Variants in FRMD4B observed in about 807,000 individuals in gnomAD.
FRMD4B encodes FERM domain containing 4B, also known as FERM domain-containing protein 4B.
A neutral mutation model predicts 141.5 loss-of-function variants in FRMD4B; 74 were observed. The observed-to-expected ratio is 0.52, with a 90% confidence interval of 0.43 to 0.63. The LOEUF is 0.63. Among genes scored for constraint, FRMD4B ranks in the 30% least tolerant of loss-of-function variants. FRMD4B has a pLI of 0.00. For missense variants in FRMD4B, 1,366 were observed against 1,253.4 expected (o/e 1.09, Z -1.36); for synonymous variants, 506 against 467.9 (o/e 1.08, Z -1.05).
chr3:69,481,796 C>G (rs1706129374), intron 1 of FRMD4B, among the ~76,000 whole-genome samples: 1 of 152,136 alleles, frequency 6.6e-6, no homozygotes, highest in Non-Finnish European at 1.5e-5. Flanking sequence ...TTCAGTTGAC[C>G]TTGTTGGAGT....
chr3:69,496,707 A>T (rs1360100908), intron 1 of FRMD4B, among the ~76,000 whole-genome samples: 1 of 149,682 alleles, frequency 6.7e-6, no homozygotes, highest in Non-Finnish European at 1.5e-5. Flanking sequence ...ATAGATCCTG[A>T]TGACATCATG....
chr3:69,452,237 G>A (rs1377728547), intron 1 of FRMD4B, among the ~76,000 whole-genome samples: 3 of 152,230 alleles, frequency 2.0e-5, no homozygotes, highest in Non-Finnish European at 4.4e-5. Context: ...TACTGGGAAA[G>A]CTGGACTATT....
At chr3:69,447,667 G>A (rs1705430137) in intron 1 of FRMD4B, among the ~76,000 whole-genome samples, 1 of 152,294 alleles carries the variant, frequency 6.6e-6, no homozygotes, top group Admixed American at 6.5e-5. Context: ...CTCCGAAGAA[G>A]TTCCTTTATA....
At chr3:69,192,683 T>A (rs972930388) in intron 17 of FRMD4B, among the ~76,000 whole-genome samples, 82 of 152,212 alleles carry the variant, frequency 5.4e-4, no homozygotes, top group Admixed American at 5.2e-3. Flanking sequence ...TATTTTGAAA[T>A]ATTTCTCAGC....
At chr3:69,427,643 G>GTTTTTTTTTTTTTTTTTTTTTTTTTT (rs774316609) in intron 2 of FRMD4B, among the ~76,000 whole-genome samples, 2 of 36,238 alleles carry the variant, frequency 5.5e-5, no homozygotes, top group African/African-American at 1.1e-4. Context: ...CTAGGTAAAT[G>GTTTTTTTTTTTTTTTTTTTTTTTTTT]TTTTTTTTTT....
At chr3:69,533,190 C>A (rs1230115759) in intron 1 of FRMD4B, among the ~76,000 whole-genome samples, 1 of 152,136 alleles carries the variant, frequency 6.6e-6, no homozygotes, top group African/African-American at 2.4e-5. Context: ...TTGTAGGGGG[C>A]AATAGTCTCA....
At chr3:69,416,840 T>C (rs1704875051) in intron 2 of FRMD4B, among the ~76,000 whole-genome samples, 2 of 152,196 alleles carry the variant, frequency 1.3e-5, no homozygotes, top group South Asian at 4.1e-4. Context: ...CTGAGAATGA[T>C]GTTTTCCAGC....
In FRMD4B at chr3:69,221,058, G is replaced by A. The variant is rs113540953; in HGVS notation, c.731+800C>T. ...GCTCACTGCAACATCCGCCTCCCTGGTTTAAGCAATTTTCCTGCCTCAGCT... is the reference window on the plus strand; with the variant it reads ...GCTCACTGCAACATCCGCCTCCCTGATTTAAGCAATTTTCCTGCCTCAGCT... On this transcript the variant is annotated intron_variant, in intron 9 of 22. Transcript: ENST00000398540. Among the ~76,000 whole-genome samples the A allele has an allele frequency of 5.1e-4, 77 of 152,052 alleles. 2 individuals are homozygous for A. The highest frequency in any genetic ancestry group is 1.5e-3 in the African/African-American group (61 of 41,478).
intron 1 of FRMD4B, among the ~76,000 whole-genome samples, chr3:69,465,698 T>C (rs765489084): frequency 1.3e-5 from 2 of 152,226 alleles, no homozygotes; most frequent in Non-Finnish European, 1.5e-5. Flanking sequence ...GCTTCATCCA[T>C]GTCCCTTGCA....
chr3:69,252,379 G>C (rs535596527), intron 5 of FRMD4B, among the ~76,000 whole-genome samples: 6 of 152,168 alleles, frequency 3.9e-5, no homozygotes, highest in Non-Finnish European at 8.8e-5. Flanking sequence ...TACAGTTCTG[G>C]TGGAGGAGGG....
chr3:69,261,754 C>A (rs917223665), intron 5 of FRMD4B, among the ~76,000 whole-genome samples: 2 of 152,180 alleles, frequency 1.3e-5, no homozygotes, highest in Non-Finnish European at 2.9e-5. Context: ...CTCACCACAA[C>A]CTCCACCTCC....
chr3:69,280,624 G>A (rs893331728), intron 5 of FRMD4B, among the ~76,000 whole-genome samples: 3 of 152,088 alleles, frequency 2.0e-5, no homozygotes, highest in East Asian at 1.9e-4. Context: ...GAATAGACAC[G>A]TGATGCCAGA....
chr3:69,435,909 C>G (rs1161285627), intron 1 of FRMD4B, among the ~76,000 whole-genome samples: 1 of 152,088 alleles, frequency 6.6e-6, no homozygotes, highest in East Asian at 1.9e-4. Flanking sequence ...AAAGTTGCAA[C>G]AGATAAAATT....
intron 1 of FRMD4B, among the ~76,000 whole-genome samples, chr3:69,510,919 T>G (rs1442364511): frequency 6.6e-6 from 1 of 152,338 alleles, no homozygotes; most frequent in Non-Finnish European, 1.5e-5. Context: ...TAATTTACAT[T>G]CTTATAGTTG....
intron 7 of FRMD4B, among the ~76,000 whole-genome samples, chr3:69,225,597 A>C (rs1262745640): frequency 7.3e-6 from 1 of 136,976 alleles, no homozygotes; most frequent in East Asian, 2.4e-4. Context: ...TGGGAGGCTG[A>C]GGCTGGAGAA....
chr3:69,322,618 A>G (rs1575730002), intron 1 of FRMD4B, among the ~76,000 whole-genome samples: 1 of 128,676 alleles, frequency 7.8e-6, no homozygotes, highest in African/African-American at 3.3e-5. Flanking sequence ...TTTTTTTGAG[A>G]CAGGGTCTTG....
At chr3:69,285,270 G>A (rs1265184380) in intron 5 of FRMD4B, among the ~76,000 whole-genome samples, 1 of 151,808 alleles carries the variant, frequency 6.6e-6, no homozygotes, top group African/African-American at 2.4e-5. Flanking sequence ...TGAAGACAAA[G>A]CAAGAGAAAC....
At chr3:69,435,873 T>TCA (rs1705252568) in intron 1 of FRMD4B, among the ~76,000 whole-genome samples, 2 of 152,162 alleles carry the variant, frequency 1.3e-5, no homozygotes, top group Non-Finnish European at 2.9e-5. Context: ...AACTACATCA[T>TCA]CATGAATATA....
chr3:69,271,654 T>C (rs961891670), intron 5 of FRMD4B, among the ~76,000 whole-genome samples: 1 of 152,194 alleles, frequency 6.6e-6, no homozygotes, highest in African/African-American at 2.4e-5. Flanking sequence ...AAATATTCAT[T>C]ATAAAACTTT....
Sources: allele counts gnomAD v4.1 joint callset (sites outside exome capture counted in the v4.1 genomes callset), GRCh38; gene constraint gnomAD v4.1.1; transcripts MANE v1.5; gene names NCBI Gene and HGNC (gene_info 2026-07-23, HGNC 2026-07-21).